LEKR1: variants seen among roughly 807,000 people sequenced by gnomAD.
LEKR1 encodes protein LEKR1.
A neutral mutation model predicts 72.4 loss-of-function variants in LEKR1; 59 were observed. That is an observed-to-expected ratio of 0.82 (90% confidence interval 0.66 to 1.01). The LOEUF (loss-of-function observed/expected upper bound fraction) is 1.01, where lower values mean the gene tolerates loss of function less well. Ranked by LOEUF, LEKR1 falls within the 50% of genes least tolerant of loss-of-function variation. The pLI is 0.00. For missense variants in LEKR1, 728 were observed against 759.2 expected (o/e 0.96, Z 0.48); for synonymous variants, 257 against 263.2 (o/e 0.98, Z 0.23).
At chr3:156,850,085 A>T (rs1715159839) in intron 2 of LEKR1, among the ~76,000 whole-genome samples, 1 of 152,144 alleles carries the variant, frequency 6.6e-6, no homozygotes, top group Non-Finnish European at 1.5e-5. Context: ...AATCCCATCA[A>T]AAAGTGGGCG....
intron 6 of LEKR1, among the ~76,000 whole-genome samples, chr3:156,967,837 A>G (rs926835123): frequency 4.6e-5 from 7 of 152,140 alleles, no homozygotes; most frequent in African/African-American, 9.7e-5. Context: ...ATTCACCAAA[A>G]TTGAAATGAA....
chr3:156,940,130 T>G (rs1005632367), intron 5 of LEKR1, among the ~76,000 whole-genome samples: 4 of 152,140 alleles, frequency 2.6e-5, no homozygotes, highest in African/African-American at 9.7e-5. Flanking sequence ...CAGCAATGCC[T>G]TTACTAATTT....
intron 3 of LEKR1, among the ~76,000 whole-genome samples, chr3:156,870,900 A>C (rs1717852028): frequency 6.6e-6 from 1 of 152,072 alleles, no homozygotes; most frequent in Non-Finnish European, 1.5e-5. Context: ...AACTTTATCA[A>C]ATACTTTTTC....
intron 10 of LEKR1, among the ~76,000 whole-genome samples, chr3:157,013,583 T>C (rs1733077672): frequency 6.6e-6 from 1 of 152,172 alleles, no homozygotes; most frequent in Non-Finnish European, 1.5e-5. Flanking sequence ...TTCTATAGTA[T>C]AAATGGACAT....
chr3:156,987,977 G>A (rs1250740374), intron 7 of LEKR1: 2 of 152,156 alleles, frequency 1.3e-5, no homozygotes, highest in African/African-American at 2.4e-5. Context: ...TGGAAACCCT[G>A]TTTTCTCTTT....
chr3:156,903,648 C>G (rs995930444), intron 3 of LEKR1, among the ~76,000 whole-genome samples: 1 of 152,168 alleles, frequency 6.6e-6, no homozygotes, highest in African/African-American at 2.4e-5. Flanking sequence ...GACATTACTA[C>G]CCTTAAGATT....
intron 12 of LEKR1, among the ~76,000 whole-genome samples, chr3:157,036,503 G>A (rs771718074): frequency 1.5e-4 from 23 of 152,084 alleles, no homozygotes; most frequent in Non-Finnish European, 2.9e-4. Flanking sequence ...AGCATCAAAC[G>A]CAGATATTTT....
Position 156,992,741 on chromosome 3 carries a change from C to T in LEKR1, c.905+11C>T. The T allele has an allele frequency of 1.3e-6, 1 of 748,968 alleles. No individual in the cohort carries two copies. Among genetic ancestry groups the T allele is most frequent in the Non-Finnish European group, 1.7e-6 (1 of 577,908 alleles). The allele number at this position is 748,968 out of a possible 1,614,324, so 46.4% of individuals were successfully genotyped here. A position where few individuals can be genotyped will look rare whatever the true frequency, so the allele number is the denominator to read the frequency against. ...TATTTCTGAGTCACAGTATGCATTA[C>T]CAATTTTTAAATTTATATTTTTAAT... On this transcript the variant is annotated intron_variant, in intron 8 of 12. Coordinates refer to ENST00000356539, the MANE Select transcript of LEKR1 (RefSeq NM_001004316.3).
chr3:156,830,728 G>A (rs1013165494), intron 2 of LEKR1, among the ~76,000 whole-genome samples: 7 of 151,702 alleles, frequency 4.6e-5, no homozygotes, highest in East Asian at 1.9e-4. Context: ...GAAAAGTCTC[G>A]GAGAGAAAAA....
intron 6 of LEKR1, among the ~76,000 whole-genome samples, chr3:156,956,487 G>A (rs952643313): frequency 6.6e-6 from 1 of 151,926 alleles, no homozygotes; most frequent in African/African-American, 2.4e-5. Context: ...AGTAGAATCA[G>A]ATATTAATGT....
chr3:156,904,132 G>A (rs1388374933), intron 3 of LEKR1, among the ~76,000 whole-genome samples: 1 of 152,128 alleles, frequency 6.6e-6, no homozygotes, highest in Non-Finnish European at 1.5e-5. Flanking sequence ...CGCCTACTGG[G>A]CATTGTTACC....
intron 6 of LEKR1, among the ~76,000 whole-genome samples, chr3:156,948,422 A>G (rs1726869078): frequency 6.6e-6 from 1 of 151,246 alleles, no homozygotes; most frequent in Non-Finnish European, 1.5e-5. Context: ...TCTTGGGCCT[A>G]CAACTTCCCA....
intron 3 of LEKR1, among the ~76,000 whole-genome samples, chr3:156,856,448 C>T (rs1350858746): frequency 6.6e-6 from 1 of 152,140 alleles, no homozygotes; most frequent in East Asian, 1.9e-4. Context: ...TCTGGACGAA[C>T]TCTAGAATCA....
At chr3:156,881,318 C>T (rs1257547584) in intron 3 of LEKR1, among the ~76,000 whole-genome samples, 1 of 152,082 alleles carries the variant, frequency 6.6e-6, no homozygotes, top group East Asian at 1.9e-4. Flanking sequence ...CCTACAAAAT[C>T]AATGTACAAA....
chr3:156,838,863 TC>T (rs1472153431), intron 2 of LEKR1, among the ~76,000 whole-genome samples: 2 of 152,052 alleles, frequency 1.3e-5, no homozygotes, highest in African/African-American at 4.8e-5. Flanking sequence ...GATGGGTTCT[TC>T]CTCCCACACA....
At chr3:157,032,984 CA>C (rs1344208258) in intron 12 of LEKR1, among the ~76,000 whole-genome samples, 1 of 152,060 alleles carries the variant, frequency 6.6e-6, no homozygotes, top group Non-Finnish European at 1.5e-5. Context: ...GCCACAAAAC[CA>C]GTGATCTTTG....
At chr3:156,842,878 C>T (rs996803265) in intron 2 of LEKR1, among the ~76,000 whole-genome samples, 1 of 152,172 alleles carries the variant, frequency 6.6e-6, no homozygotes, top group Non-Finnish European at 1.5e-5. Context: ...GTATACTTGT[C>T]AGACTTCCAT....
At chr3:156,843,023 C>T (rs1293704291) in intron 2 of LEKR1, among the ~76,000 whole-genome samples, 4 of 152,174 alleles carry the variant, frequency 2.6e-5, no homozygotes, top group Non-Finnish European at 4.4e-5. Flanking sequence ...TCTGTTCTCT[C>T]TCCAGGCTGA....
intron 11 of LEKR1, among the ~76,000 whole-genome samples, chr3:157,027,557 T>C (rs1734283544): frequency 6.6e-6 from 1 of 152,092 alleles, no homozygotes; most frequent in Non-Finnish European, 1.5e-5. Context: ...GGCTCACAGC[T>C]GTAATCCCAG....
Sources: allele counts gnomAD v4.1 joint callset (sites outside exome capture counted in the v4.1 genomes callset), GRCh38; gene constraint gnomAD v4.1.1; transcripts MANE v1.5; gene names NCBI Gene and HGNC (gene_info 2026-07-23, HGNC 2026-07-21).